GID4: variants seen among roughly 807,000 people sequenced by gnomAD.
The protein encoded by GID4 is GID complex subunit 4 homolog.
Under a neutral mutation model 32.4 loss-of-function variants are expected in GID4, and 7 were observed. That is an observed-to-expected ratio of 0.22 (90% CI 0.12 to 0.41). The LOEUF is 0.41. GID4 is among the 10% of genes least tolerant of loss of function. GID4 has a pLI of 1.00. For missense variants in GID4, 309 were observed against 400.0 expected (o/e 0.77, Z 1.94); for synonymous variants, 166 against 170.0 (o/e 0.98, Z 0.18).
intron 2 of GID4, among the ~76,000 whole-genome samples, chr17:18,046,969 A>G (rs1052334477): frequency 4.6e-5 from 7 of 151,520 alleles, no homozygotes; most frequent in Non-Finnish European, 7.4e-5. Context: ...TAAGACAATC[A>G]GTGGACTTGT....
At chr17:18,043,409 G>A (rs972352753) in intron 1 of GID4, among the ~76,000 whole-genome samples, 2 of 152,218 alleles carry the variant, frequency 1.3e-5, no homozygotes, top group African/African-American at 4.8e-5. Flanking sequence ...TTCAGCAGCT[G>A]TGAAACTCCA....
At chr17:18,060,166 A>G (rs1272364292) in intron 4 of GID4, among the ~76,000 whole-genome samples, 12 of 151,542 alleles carry the variant, frequency 7.9e-5, no homozygotes, top group African/African-American at 2.7e-4. Flanking sequence ...TTGGGAGGCC[A>G]AGAGAGCCAG....
At chr17:18,056,950 A>G in intron 3 of GID4, 2 of 1,550,622 alleles carry the variant, frequency 1.3e-6, no homozygotes, top group Non-Finnish European at 1.7e-6. Context: ...GGAGCTCTGT[A>G]CTGCACCTGG....
rs979721857 is a variant in GID4 at position 18,042,063 on chromosome 17, C to T, written c.438+2161C>T. 3.9e-5 allele frequency among the ~76,000 whole-genome samples: 6 copies of T among 152,226 alleles called. No homozygotes were observed. In the South Asian group the frequency reaches 1.2e-3, roughly 32 times the overall value. On this transcript the variant is annotated intron_variant, in intron 1 of 5. Coordinates refer to ENST00000268719, the MANE Select transcript of GID4 (RefSeq NM_024052.5). ...ATTGCCCCATCATCTGGTTTTTCAG[C>T]CAGGACTAGTTTGTCAGACACAGCC...
At chr17:18,047,014 C>T (rs2044860846) in intron 2 of GID4, among the ~76,000 whole-genome samples, 2 of 151,316 alleles carry the variant, frequency 1.3e-5, no homozygotes, top group South Asian at 2.1e-4. Flanking sequence ...GAGAAAATGA[C>T]AGACTCAAAT....
chr17:18,053,801 CTGCTT>C, intron 2 of GID4, among the ~76,000 whole-genome samples: 1 of 152,138 alleles, frequency 6.6e-6, no homozygotes, highest in East Asian at 1.9e-4. Flanking sequence ...AAGTTATGAT[CTGCTT>C]TGTATGCTAG....
In GID4 at chr17:18,039,664, C is replaced by T. The variant is rs564429104; in HGVS notation, c.200C>T (p.Ala67Val). The change falls in exon 1 of 6, where the codon GCG becomes GTG. Residue 67 changes from alanine to valine, a missense_variant. By Grantham distance (64) the Ala-to-Val change is moderately conservative. This residue lies in a region of GID4 where 193 missense variants were observed against 185.8 expected (regional missense o/e 1.04). Transcript: ENST00000268719. The surrounding 1 kb of genome is among the most constrained non-coding windows in gnomAD (Gnocchi z 5.3). ...ACCCTCCTCGGCTCCCGCGCGGCGG[C>T]GGCGGTTCCTCTCCCACTCCCCCCA... is the stretch of plus-strand genomic sequence containing the variant. The part of the protein sequence containing the change: ...PATLLGSRAA[A>V]AVPLPLPPAL... 9.3e-6 allele frequency: 12 copies of T among 1,293,160 alleles called. No individual in the cohort carries two copies. In the South Asian group the frequency reaches 2.0e-4, roughly 21 times the overall value. The allele number at this position is 1,293,160 out of a possible 1,614,324, so 80.1% of individuals were successfully genotyped here. A position where few individuals can be genotyped will look rare whatever the true frequency, so the allele number is the denominator to read the frequency against.
chr17:18,046,624 A>G (rs962768554), intron 2 of GID4, among the ~76,000 whole-genome samples: 1 of 151,626 alleles, frequency 6.6e-6, no homozygotes, highest in Non-Finnish European at 1.5e-5. Context: ...CTCTCTTTAA[A>G]AAAAAAAAAA....
At chr17:18,058,035 G>A (rs2955368) in intron 3 of GID4, among the ~76,000 whole-genome samples, 81,251 of 151,914 alleles carry the variant, frequency 0.53, 23,524 homozygotes, top group Non-Finnish European at 0.67. Context: ...GGGTTTCATC[G>A]TGTTAGCCAG....
intron 1 of GID4, among the ~76,000 whole-genome samples, chr17:18,040,729 C>G (rs934759982): frequency 3.3e-5 from 5 of 152,208 alleles, no homozygotes; most frequent in Admixed American, 3.3e-4. Context: ...TCGTCTTGCT[C>G]GATCCTGGTT....
rs746266815 is a variant in GID4 at position 18,054,153 on chromosome 17, C to T, written c.525C>T (p.Phe175=). 14 of 1,609,762 alleles carry T rather than the reference C, an allele frequency of 8.7e-6. No homozygotes were observed. The highest frequency in any genetic ancestry group is 1.2e-5 in the Non-Finnish European group (14 of 1,176,316). ...TEEYPTLTTF[F]EGEIISKKHP... ...AGTATCCAACCCTTACAACCTTCTT[C>T]GAAGGAGAAATAATCAGCAAAAAAC... Residue 175 remains phenylalanine (F), a synonymous_variant, in exon 3 of 6, where the codon TTC becomes TTT. Transcript: ENST00000268719.
intron 1 of GID4, among the ~76,000 whole-genome samples, chr17:18,040,694 A>G (rs776371734): frequency 6.6e-6 from 1 of 151,960 alleles, no homozygotes; most frequent in African/African-American, 2.4e-5. Context: ...CCTGGCCTCT[A>G]TCCAGACTTC....
At chr17:18,040,765 A>C (rs1194610913) in intron 1 of GID4, among the ~76,000 whole-genome samples, 1 of 151,902 alleles carries the variant, frequency 6.6e-6, no homozygotes, top group Non-Finnish European at 1.5e-5. Flanking sequence ...TCCTGTTCTT[A>C]ACTTTTCTCT....
chr17:18,056,911 G>T (rs2044973159), intron 3 of GID4: 2 of 1,550,458 alleles, frequency 1.3e-6, no homozygotes, highest in African/African-American at 2.7e-5. Flanking sequence ...CACTCATGGA[G>T]GACTCCCAGG....
intron 2 of GID4, among the ~76,000 whole-genome samples, chr17:18,046,081 A>G (rs2044850591): frequency 6.6e-6 from 1 of 152,172 alleles, no homozygotes; most frequent in South Asian, 2.1e-4. Flanking sequence ...GGAAGGAGGT[A>G]GCTGGACTGG....
chr17:18,060,782 G>A (rs1006770903), intron 4 of GID4, among the ~76,000 whole-genome samples: 1 of 152,164 alleles, frequency 6.6e-6, no homozygotes. Context: ...TGCCCAGGCT[G>A]GAGTGCAATG....
intron 2 of GID4, among the ~76,000 whole-genome samples, chr17:18,048,799 C>T (rs986886445): frequency 1.9e-4 from 29 of 151,708 alleles, no homozygotes; most frequent in African/African-American, 7.0e-4. Context: ...TGTGCCACCA[C>T]ACCTGGCTAA....
chr17:18,039,819 AC>A lies in GID4; in HGVS notation c.357del (p.Ser120AlafsTer22). 6.3e-7 allele frequency: 1 copy of A among 1,575,976 alleles called. No homozygotes were observed. Among genetic ancestry groups the A allele is most frequent in the Non-Finnish European group, 8.6e-7 (1 of 1,162,050 alleles). ...PINTQQPGVATSLLYSGSKFR... is the reference protein window; with the variant it reads ...PINTQQPGVAXSLLYSGSKFR... ...CAACACCCAGCAGCCCGGCGTGGCCACCAGCCTGCTCTACAGCGGCTCCAAG... is the reference window on the plus strand; with the variant it reads ...CAACACCCAGCAGCCCGGCGTGGCCACAGCCTGCTCTACAGCGGCTCCAAG... On this transcript the variant is annotated frameshift_variant, in exon 1 of 6. Coordinates refer to ENST00000268719, the MANE Select transcript of GID4 (RefSeq NM_024052.5). LOFTEE classifies it high-confidence loss of function. This position sits in a 1 kb window ranked among gnomAD's most constrained non-coding sequence, Gnocchi z 5.3.
chr17:18,052,349 G>C (rs555012345), intron 2 of GID4, among the ~76,000 whole-genome samples: 1 of 152,080 alleles, frequency 6.6e-6, no homozygotes, highest in African/African-American at 2.4e-5. Context: ...TGTTTCCTGG[G>C]AGCCTCTGCA....
Sources: gnomAD v4.1 joint callset for allele counts (sites outside exome capture counted in the v4.1 genomes callset) on GRCh38, gnomAD v4.1.1 for gene constraint, gnomAD v4.1.1 regional missense constraint, Gnocchi (gnomAD v3.1) non-coding constraint, MANE v1.5 for transcripts, NCBI Gene and HGNC (gene_info 2026-07-23, HGNC 2026-07-21) for gene names.